The following DNAH11 variants were observed in gnomAD, a reference collection of about 807,000 sequenced individuals.
The protein encoded by DNAH11 is dynein axonemal heavy chain 11, also known as axonemal beta dynein heavy chain 11.
Under a neutral mutation model 526.0 loss-of-function variants are expected in DNAH11, and 442 were observed. That is an observed-to-expected ratio of 0.84 (90% CI 0.78 to 0.91). The LOEUF (loss-of-function observed/expected upper bound fraction) is 0.91, where lower values mean the gene tolerates loss of function less well. DNAH11 is among the 40% of genes least tolerant of loss of function. The probability of loss-of-function intolerance (pLI) is 0.00; values close to 1 mark genes in which losing one functional copy is unlikely to be tolerated. For synonymous variants in DNAH11, 2,461 were observed against 1,935.9 expected, an observed-to-expected ratio of 1.27 and a Z score of -7.12; for missense variants, 6,989 against 5,448.7, an observed-to-expected ratio of 1.28 and a Z score of -8.90.
chr7:21,730,475 A>C (rs368591144), intron 45 of DNAH11, among the ~76,000 whole-genome samples: 1 of 152,236 alleles, frequency 6.6e-6, no homozygotes, highest in Admixed American at 6.5e-5. Flanking sequence ...TGTGGTCACA[A>C]ACATTTCAGA....
At position 21,710,617 on chromosome 7, in the gene DNAH11, C is replaced by T. The variant is rs1207364445; in HGVS notation, c.6748C>T (p.His2250Tyr). 1.2e-6 allele frequency: 2 copies of T among 1,613,160 alleles called. No individual in the cohort carries two copies. Among genetic ancestry groups the T allele is most frequent in the Non-Finnish European group, 8.5e-7 (1 of 1,179,450 alleles). Residue 2250 changes from histidine to tyrosine, a missense_variant, in exon 41 of 82, where the codon CAT becomes TAT. By Grantham distance (83) the His-to-Tyr change is moderately conservative. Transcript: ENST00000409508. ...SILREQANLK[H>Y]DGPKWIVLDG... Reference sequence around the variant, plus strand: ...TCTACGAGAACAAGCAAATCTTAAGCATGATGGACCAAAATGGATAGTCCT... The same window carrying T: ...TCTACGAGAACAAGCAAATCTTAAGTATGATGGACCAAAATGGATAGTCCT...
At chr7:21,662,356 C>T (rs1782271759) in intron 30 of DNAH11, among the ~76,000 whole-genome samples, 1 of 152,048 alleles carries the variant, frequency 6.6e-6, no homozygotes, top group Non-Finnish European at 1.5e-5. Flanking sequence ...GTTTTATTTT[C>T]TTTATAACAT....
rs530444502 is a variant in DNAH11 at position 21,555,707 on chromosome 7, C to G, written c.496-3095C>G. Among the ~76,000 whole-genome samples the G allele has an allele frequency of 3.3e-5, 5 of 152,282 alleles. No individual in the cohort carries two copies. In the East Asian group the frequency reaches 9.7e-4, roughly 29 times the overall value. On this transcript the variant is annotated intron_variant, in intron 2 of 81. Coordinates refer to ENST00000409508, the MANE Select transcript of DNAH11 (RefSeq NM_001277115.2). ...ATGACGTTGCCTGGTTGCCATGGTG[C>G]CTGCTTTTCTCCCTGTGTTGCCTCC...
intron 18 of DNAH11, among the ~76,000 whole-genome samples, chr7:21,603,824 C>T (rs1260603412): frequency 6.6e-6 from 1 of 152,142 alleles, no homozygotes; most frequent in Non-Finnish European, 1.5e-5. Context: ...AGAAAGTAGT[C>T]ATAATAAGTA....
intron 52 of DNAH11, 43 bp downstream of exon 52, chr7:21,748,785 G>A (rs373687843): frequency 1.5e-5 from 23 of 1,569,218 alleles, no homozygotes; most frequent in African/African-American, 2.7e-5. Flanking sequence ...CTTCTGCTTG[G>A]CAGATAAAGC....
chr7:21,892,812 A>C (rs535421406), intron 77 of DNAH11, 145 bp downstream of exon 77: 436 of 961,610 alleles, frequency 4.5e-4, no homozygotes, highest in Non-Finnish European at 5.6e-4. Flanking sequence ...AACATTTCCA[A>C]CACTCCAGAA....
intron 46 of DNAH11, 35 bp from the exon 47 acceptor site, chr7:21,738,666 G>C: frequency 1.3e-6 from 2 of 1,525,500 alleles, no homozygotes; most frequent in Non-Finnish European, 1.8e-6. Context: ...TTTACATTCT[G>C]TTGATGGGTG....
chr7:21,617,558 A>G, intron 22 of DNAH11, 61 bp from the exon 23 acceptor site: 1 of 1,569,560 alleles, frequency 6.4e-7, no homozygotes, highest in Non-Finnish European at 8.7e-7. Context: ...AAGGAGGCAA[A>G]TTATTAATAT....
intron 73 of DNAH11, among the ~76,000 whole-genome samples, chr7:21,872,197 A>G (rs936822559): frequency 2.7e-5 from 4 of 147,764 alleles, no homozygotes; most frequent in African/African-American, 5.0e-5. Context: ...TAAAGACCCT[A>G]TTTCCAAATA....
chr7:21,612,156 T>A (rs1289501234), intron 20 of DNAH11, among the ~76,000 whole-genome samples: 1 of 152,154 alleles, frequency 6.6e-6, no homozygotes, highest in African/African-American at 2.4e-5. Context: ...TTACCAAAAC[T>A]GTCTCAGTAA....
At chr7:21,854,176 T>G in intron 67 of DNAH11, 139 bp from the exon 68 acceptor site, 1 of 803,760 alleles carries the variant, frequency 1.2e-6, no homozygotes, top group South Asian at 2.1e-5. Flanking sequence ...TTAGAAAAGC[T>G]CGAGCACATG....
At chr7:21,785,961 A>G (rs1788157802) in intron 58 of DNAH11, among the ~76,000 whole-genome samples, 2 of 152,220 alleles carry the variant, frequency 1.3e-5, no homozygotes, top group Non-Finnish European at 2.9e-5. Context: ...TGTATTAAAT[A>G]TCATAAGCCT....
chr7:21,717,298 A>C lies in DNAH11; in HGVS notation c.6984-477A>C, dbSNP rs570422278. Among the ~76,000 whole-genome samples, 5 of 152,202 alleles carry C rather than the reference A, an allele frequency of 3.3e-5. No homozygotes were observed. In the South Asian group the frequency reaches 1.0e-3, roughly 32 times the overall value. ...TTAGCAGCTATCAGATTGGAGTTAC[A>C]TTCAGTCCATTGAAAAAGGAGACAC... is the stretch of plus-strand genomic sequence containing the variant. On this transcript the variant is annotated intron_variant, in intron 42 of 81. Coordinates refer to ENST00000409508, the MANE Select transcript of DNAH11 (RefSeq NM_001277115.2).
intron 28 of DNAH11, among the ~76,000 whole-genome samples, chr7:21,651,243 G>C (rs569683042): frequency 1.1e-3 from 175 of 152,334 alleles, no homozygotes; most frequent in African/African-American, 4.0e-3. Context: ...ATAAGCGGCA[G>C]CAGCATCTTT....
At chr7:21,688,218 C>T (rs997569867) in intron 34 of DNAH11, among the ~76,000 whole-genome samples, 1 of 152,166 alleles carries the variant, frequency 6.6e-6, no homozygotes, top group African/African-American at 2.4e-5. Context: ...TCCTACATCT[C>T]TCTCCCCTCA....
intron 20 of DNAH11, among the ~76,000 whole-genome samples, chr7:21,613,706 A>T (rs1303591129): frequency 6.6e-6 from 1 of 152,218 alleles, no homozygotes; most frequent in Admixed American, 6.5e-5. Flanking sequence ...GTGTGAGATG[A>T]TGAAGTATGT....
intron 28 of DNAH11, among the ~76,000 whole-genome samples, chr7:21,641,898 C>T (rs931581604): frequency 6.6e-6 from 1 of 152,080 alleles, no homozygotes; most frequent in African/African-American, 2.4e-5. Context: ...TTATATAAGA[C>T]GTTTGAAACA....
At chr7:21,860,368 T>A (rs557667603) in intron 68 of DNAH11, among the ~76,000 whole-genome samples, 1 of 151,978 alleles carries the variant, frequency 6.6e-6, no homozygotes, top group Admixed American at 6.5e-5. Context: ...GCACAGCCAC[T>A]ATGGAAAACA....
At chr7:21,809,844 GT>G (rs1424187388) in intron 63 of DNAH11, among the ~76,000 whole-genome samples, 1 of 152,144 alleles carries the variant, frequency 6.6e-6, no homozygotes, top group African/African-American at 2.4e-5. Flanking sequence ...GGAATTACAG[GT>G]GTGAACCACT....
Sources: gnomAD v4.1 joint callset for allele counts (sites outside exome capture counted in the v4.1 genomes callset) on GRCh38, gnomAD v4.1.1 for gene constraint, MANE v1.5 for transcripts, NCBI Gene and HGNC (gene_info 2026-07-23, HGNC 2026-07-21) for gene names.